Variants in GRK5 observed in about 807,000 individuals in gnomAD.
The protein encoded by GRK5 is g protein-coupled receptor kinase GRK5.
A neutral mutation model predicts 78.4 loss-of-function variants in GRK5; 40 were observed. That is an observed-to-expected ratio of 0.51 (90% confidence interval 0.40 to 0.66). The LOEUF (loss-of-function observed/expected upper bound fraction) is 0.66, where lower values mean the gene tolerates loss of function less well. Among genes scored for constraint, GRK5 ranks in the 30% least tolerant of loss-of-function variants. GRK5 has a pLI of 0.00. For missense variants in GRK5, 598 were observed against 759.9 expected, an observed-to-expected ratio of 0.79 and a Z score of 2.50; for synonymous variants, 289 against 296.8, an observed-to-expected ratio of 0.97 and a Z score of 0.27.
chr10:119,296,371 G>A (rs1850082100), intron 1 of GRK5, among the ~76,000 whole-genome samples: 1 of 152,250 alleles, frequency 6.6e-6, no homozygotes, highest in Non-Finnish European at 1.5e-5. Flanking sequence ...GGCTGGACAA[G>A]TGAATATTTG....
At chr10:119,289,017 C>T (rs766362931) in intron 1 of GRK5, among the ~76,000 whole-genome samples, 1 of 152,216 alleles carries the variant, frequency 6.6e-6, no homozygotes, top group Non-Finnish European at 1.5e-5. Flanking sequence ...TGCCTTTTCC[C>T]CCTCTGACCT....
chr10:119,389,942 A>T (rs1472579319), intron 3 of GRK5, among the ~76,000 whole-genome samples: 2 of 152,186 alleles, frequency 1.3e-5, no homozygotes, highest in African/African-American at 4.8e-5. Context: ...TGTTCAGCTC[A>T]TCCTCAGATT....
intron 2 of GRK5, among the ~76,000 whole-genome samples, chr10:119,360,949 T>C (rs1340920506): frequency 6.6e-6 from 1 of 152,192 alleles, no homozygotes; most frequent in Non-Finnish European, 1.5e-5. Context: ...AGTCGCTGCC[T>C]TTCCCTCCCT....
intron 8 of GRK5, among the ~76,000 whole-genome samples, chr10:119,435,172 A>G (rs1852894042): frequency 6.6e-6 from 1 of 152,196 alleles, no homozygotes; most frequent in Non-Finnish European, 1.5e-5. Context: ...TGGGCCTGTG[A>G]TGGGAGGGGC....
At chr10:119,261,031 G>A (rs1849378767) in intron 1 of GRK5, among the ~76,000 whole-genome samples, 1 of 144,298 alleles carries the variant, frequency 6.9e-6, no homozygotes, top group Non-Finnish European at 1.5e-5. Flanking sequence ...GGCCGGGCAG[G>A]GGGCTGACCC....
At chr10:119,377,641 A>G (rs1224895278) in intron 2 of GRK5, among the ~76,000 whole-genome samples, 1 of 152,130 alleles carries the variant, frequency 6.6e-6, no homozygotes, top group Non-Finnish European at 1.5e-5. Flanking sequence ...TTGGAATCGC[A>G]TGGTGTTTAC....
intron 3 of GRK5, among the ~76,000 whole-genome samples, chr10:119,389,391 G>A (rs1336993715): frequency 6.6e-6 from 1 of 152,268 alleles, no homozygotes; most frequent in African/African-American, 2.4e-5. Context: ...AATGGGAAGA[G>A]TGGAGGGTGC....
intron 4 of GRK5, among the ~76,000 whole-genome samples, chr10:119,402,382 G>A (rs761361916): frequency 2.6e-5 from 4 of 152,176 alleles, no homozygotes; most frequent in Admixed American, 6.5e-5. Context: ...AGAGAGCTGA[G>A]CAGCTCACCT....
In GRK5 at chr10:119,431,056, G is replaced by T. The variant is rs113475770; in HGVS notation, c.598-331G>T. Among the ~76,000 whole-genome samples, 1 of 152,198 alleles carries T rather than the reference G, an allele frequency of 6.6e-6. No homozygotes were observed. Among genetic ancestry groups the T allele is most frequent in the Non-Finnish European group, 1.5e-5 (1 of 68,028 alleles). ...AAAACAAACTTCTCTACCGGCAGCC[G>T]GTAGGAGAAAATCCTGTTGCCCTGG... On this transcript the variant is annotated intron_variant, in intron 7 of 15. Coordinates refer to ENST00000392870, the MANE Select transcript of GRK5 (RefSeq NM_005308.3). The surrounding 1 kb of genome is among the most constrained non-coding windows in gnomAD (Gnocchi z 4.8).
chr10:119,457,083 G>A lies in GRK5; in HGVS notation c.*2016G>A, dbSNP rs939565762. 1 of 152,194 alleles carries A rather than the reference G, an allele frequency of 6.6e-6. No homozygotes were observed. Among genetic ancestry groups the A allele is most frequent in the African/African-American group, 2.4e-5 (1 of 41,442 alleles). The allele number at this position is 152,194 out of a possible 1,614,324, so 9.4% of individuals were successfully genotyped here. On this transcript the variant is annotated 3_prime_UTR_variant, in exon 16 of 16. Coordinates refer to ENST00000392870, the MANE Select transcript of GRK5 (RefSeq NM_005308.3). ...GCAAAACAAATACAGCCACATTCAA[G>A]TCTTCCAAGGAAGTAGAAAACTCTT...
At position 119,431,627 on chromosome 10, in the gene GRK5, C is replaced by G; in HGVS notation, c.738+100C>G. On this transcript the variant is annotated intron_variant, in intron 8 of 15. Coordinates refer to ENST00000392870, the MANE Select transcript of GRK5 (RefSeq NM_005308.3). This position sits in a 1 kb window ranked among gnomAD's most constrained non-coding sequence, Gnocchi z 4.8. ...GGTCCTCTAATGCGGCCGGTCCCCA[C>G]CCCTGGGAAGGGGAATGCCAGTGGC... The G allele has an allele frequency of 2.1e-6, 3 of 1,399,632 alleles. No individual in the cohort carries two copies. The highest frequency in any genetic ancestry group is 2.9e-6 in the Non-Finnish European group (3 of 1,037,030). 86.7% of individuals were successfully genotyped at this position (1,399,632 alleles called of 1,614,324 possible).
chr10:119,255,971 C>G (rs1374813107), intron 1 of GRK5, among the ~76,000 whole-genome samples: 2 of 152,206 alleles, frequency 1.3e-5, no homozygotes, highest in Non-Finnish European at 2.9e-5. Context: ...TAGTCTCTCA[C>G]TTTGCTGAAC....
At chr10:119,265,254 T>G (rs1033637003) in intron 1 of GRK5, among the ~76,000 whole-genome samples, 2 of 152,148 alleles carry the variant, frequency 1.3e-5, no homozygotes, top group Non-Finnish European at 2.9e-5. Context: ...CTTTTACAGA[T>G]GGGGAAACTG....
intron 1 of GRK5, among the ~76,000 whole-genome samples, chr10:119,215,634 C>T (rs1212367555): frequency 6.4e-5 from 8 of 124,736 alleles, no homozygotes; most frequent in South Asian, 2.6e-4. Context: ...TGGATGGTGG[C>T]GGGGGTGGAG....
intron 4 of GRK5, among the ~76,000 whole-genome samples, chr10:119,404,180 A>G (rs1366810882): frequency 6.6e-6 from 1 of 151,940 alleles, no homozygotes; most frequent in African/African-American, 2.4e-5. Flanking sequence ...AACACTTGCT[A>G]TTTTCTGTGT....
chr10:119,381,021 A>T, intron 3 of GRK5, 94 bp downstream of exon 3: 1 of 798,496 alleles, frequency 1.3e-6, no homozygotes, highest in Admixed American at 2.2e-5. Flanking sequence ...GGGTTAGAAG[A>T]CTGAGGAATA....
intron 4 of GRK5, among the ~76,000 whole-genome samples, chr10:119,398,116 A>G (rs1852087328): frequency 6.6e-6 from 1 of 152,202 alleles, no homozygotes; most frequent in African/African-American, 2.4e-5. Context: ...TGCTCCAGAT[A>G]TGGGCCTGTT....
At chr10:119,223,339 CGGGGG>C (rs995493378) in intron 1 of GRK5, among the ~76,000 whole-genome samples, 1 of 152,230 alleles carries the variant, frequency 6.6e-6, no homozygotes, top group Admixed American at 6.5e-5. Flanking sequence ...TCTGAGGTAC[CGGGGG>C]TTAGGACTTC....
rs1450926042 is a variant in GRK5 at position 119,253,421 on chromosome 10, C to T, written c.52+45452C>T. ...GAAGAGGGACAAGCCAGCCTCCCCACCACCCCTGCCCTCCGTTCCTTTTAT... is the reference window on the plus strand; with the variant it reads ...GAAGAGGGACAAGCCAGCCTCCCCATCACCCCTGCCCTCCGTTCCTTTTAT... On this transcript the variant is annotated intron_variant, in intron 1 of 15. Transcript: ENST00000392870. This position sits in a 1 kb window ranked among gnomAD's most constrained non-coding sequence, Gnocchi z 5.7. Among the ~76,000 whole-genome samples the T allele has an allele frequency of 6.6e-6, 1 of 152,222 alleles. No homozygotes were observed. The highest frequency in any genetic ancestry group is 2.4e-5 in the African/African-American group (1 of 41,454).
Sources: gnomAD v4.1 joint callset for allele counts (sites outside exome capture counted in the v4.1 genomes callset) on GRCh38, gnomAD v4.1.1 for gene constraint, Gnocchi (gnomAD v3.1) non-coding constraint, MANE v1.5 for transcripts, NCBI Gene and HGNC (gene_info 2026-07-23, HGNC 2026-07-21) for gene names.